NTM: variants seen among roughly 807,000 people sequenced by gnomAD.
The protein encoded by NTM is IgLON family member 2.
NTM carries 13 observed loss-of-function variants against 42.1 expected under a neutral mutation model. That is an observed-to-expected ratio of 0.31 (90% CI 0.20 to 0.49). The LOEUF is 0.49. Ranked by LOEUF, NTM falls within the 20% of genes least tolerant of loss-of-function variation. The probability of loss-of-function intolerance (pLI) is 0.99; values close to 1 mark genes in which losing one functional copy is unlikely to be tolerated. For missense variants in NTM, 373 were observed against 452.8 expected, an observed-to-expected ratio of 0.82 and a Z score of 1.60; for synonymous variants, 187 against 179.2, an observed-to-expected ratio of 1.04 and a Z score of -0.35.
intron 3 of NTM, among the ~76,000 whole-genome samples, chr11:132,201,467 G>C (rs1177949660): frequency 2.0e-5 from 3 of 152,170 alleles, no homozygotes; most frequent in Admixed American, 6.5e-5. Flanking sequence ...AGCTTAACGA[G>C]GCCTTGCGGT....
intron 3 of NTM, among the ~76,000 whole-genome samples, chr11:132,163,216 AG>A (rs2074696932): frequency 6.6e-6 from 1 of 152,134 alleles, no homozygotes; most frequent in Admixed American, 6.5e-5. Context: ...TTGAGTCCCG[AG>A]GATCTCCTCT....
chr11:131,979,210 ACCCAG>A (rs1470868317), intron 2 of NTM, among the ~76,000 whole-genome samples: 1 of 152,210 alleles, frequency 6.6e-6, no homozygotes, highest in Non-Finnish European at 1.5e-5. Flanking sequence ...AGTCAAGGTT[ACCCAG>A]TCAAACTCTA....
intron 4 of NTM, among the ~76,000 whole-genome samples, chr11:132,297,988 G>C (rs2094687670): frequency 6.6e-6 from 1 of 152,178 alleles, no homozygotes; most frequent in Non-Finnish European, 1.5e-5. Context: ...TAAATCATAG[G>C]CTGCCCTGCT....
intron 4 of NTM, among the ~76,000 whole-genome samples, chr11:132,255,895 C>T (rs1241915066): frequency 6.6e-6 from 1 of 152,258 alleles, no homozygotes; most frequent in Non-Finnish European, 1.5e-5. Flanking sequence ...CTCGGTTGCA[C>T]ATCTTCACCT....
intron 1 of NTM, among the ~76,000 whole-genome samples, chr11:131,631,122 G>A (rs1327896675): frequency 2.0e-5 from 3 of 152,162 alleles, no homozygotes; most frequent in African/African-American, 7.2e-5. Context: ...GTGGAATTCA[G>A]TAGGGCTCTG....
intron 1 of NTM, among the ~76,000 whole-genome samples, chr11:131,540,022 T>TACGGTC (rs1230493423): frequency 1.3e-5 from 2 of 152,286 alleles, no homozygotes; most frequent in African/African-American, 4.8e-5. Context: ...CCTTGCTCAC[T>TACGGTC]ACGGTCCTGT....
intron 1 of NTM, among the ~76,000 whole-genome samples, chr11:131,751,676 C>G (rs985038151): frequency 8.6e-5 from 13 of 152,006 alleles, no homozygotes; most frequent in East Asian, 7.7e-4. Flanking sequence ...AGGAAAATCG[C>G]TTGAACCCGG....
intron 1 of NTM, among the ~76,000 whole-genome samples, chr11:131,533,592 A>T (rs2051642948): frequency 6.6e-6 from 1 of 152,170 alleles, no homozygotes; most frequent in Admixed American, 6.5e-5. Context: ...TCAAATCCTC[A>T]CCTGCCCGTG....
At chr11:131,942,758 C>G (rs1452396454) in intron 2 of NTM, among the ~76,000 whole-genome samples, 4 of 151,824 alleles carry the variant, frequency 2.6e-5, no homozygotes, top group Non-Finnish European at 5.9e-5. Context: ...CCAGCCTGGC[C>G]CACATGGTGA....
intron 1 of NTM, among the ~76,000 whole-genome samples, chr11:131,627,042 G>T (rs1473954323): frequency 6.6e-6 from 1 of 152,152 alleles, no homozygotes; most frequent in Admixed American, 6.5e-5. Context: ...TTGCTCCAGC[G>T]GGCTCAGGCG....
chr11:131,412,191 C>T (rs1047930109), intron 1 of NTM, among the ~76,000 whole-genome samples: 2 of 152,184 alleles, frequency 1.3e-5, no homozygotes, highest in African/African-American at 4.8e-5. Flanking sequence ...GATGTGAGAG[C>T]TGAGAAGGCA....
intron 2 of NTM, among the ~76,000 whole-genome samples, chr11:131,983,274 G>T (rs2065543799): frequency 6.6e-6 from 1 of 151,906 alleles, no homozygotes; most frequent in African/African-American, 2.4e-5. Flanking sequence ...GGGAGACACA[G>T]GGTTGAGTCC....
At chr11:131,408,251 ACG>A (rs2135733255) in intron 1 of NTM, among the ~76,000 whole-genome samples, 1 of 152,266 alleles carries the variant, frequency 6.6e-6, no homozygotes, top group East Asian at 1.9e-4. Context: ...TCTCTTGCTC[ACG>A]TTTGCAAAAT....
intron 1 of NTM, among the ~76,000 whole-genome samples, chr11:131,843,012 A>T (rs985463562): frequency 3.9e-5 from 6 of 152,060 alleles, no homozygotes; most frequent in African/African-American, 4.8e-5. Flanking sequence ...TTTGTCTCAA[A>T]AAATAAATAA....
At chr11:131,767,089 A>G (rs1394621328) in intron 1 of NTM, 6 of 945,864 alleles carry the variant, frequency 6.3e-6, no homozygotes, top group Non-Finnish European at 7.6e-6. Context: ...TTTTGTACCT[A>G]GAACTCTGGA....
chr11:131,866,144 GCA>G (rs746973624), intron 1 of NTM, among the ~76,000 whole-genome samples: 24 of 149,330 alleles, frequency 1.6e-4, no homozygotes, highest in Non-Finnish European at 3.3e-4. Flanking sequence ...CATGCATGCC[GCA>G]CACACACGGT....
intron 3 of NTM, among the ~76,000 whole-genome samples, chr11:132,193,850 A>G (rs917743718): frequency 5.3e-5 from 8 of 152,180 alleles, no homozygotes; most frequent in African/African-American, 1.7e-4. Flanking sequence ...CTATGCACAC[A>G]AACTAAAAAA....
At chr11:132,167,078 T>C (rs1323337076) in intron 3 of NTM, among the ~76,000 whole-genome samples, 1 of 152,234 alleles carries the variant, frequency 6.6e-6, no homozygotes, top group African/African-American at 2.4e-5. Context: ...TATTCTATCC[T>C]ATTTTACTCT....
At chr11:132,316,103 G>A (rs2095421912) in intron 7 of NTM, among the ~76,000 whole-genome samples, 1 of 151,610 alleles carries the variant, frequency 6.6e-6, no homozygotes, top group Non-Finnish European at 1.5e-5. Context: ...ATCCTCACAG[G>A]GGTAGTCTTC....
Sources: allele counts gnomAD v4.1 joint callset (sites outside exome capture counted in the v4.1 genomes callset), GRCh38; gene constraint gnomAD v4.1.1; transcripts MANE v1.5; gene names NCBI Gene and HGNC (gene_info 2026-07-23, HGNC 2026-07-21).